The following DENND1B variants were observed in gnomAD, a reference collection of about 807,000 sequenced individuals.
The protein encoded by DENND1B is DENN domain-containing protein 1B.
A neutral mutation model predicts 90.1 loss-of-function variants in DENND1B; 59 were observed. That is an observed-to-expected ratio of 0.65 (90% CI 0.53 to 0.81). The LOEUF (loss-of-function observed/expected upper bound fraction) is 0.81, where lower values mean the gene tolerates loss of function less well. Ranked by LOEUF, DENND1B falls within the 40% of genes least tolerant of loss-of-function variation. DENND1B has a pLI of 0.00. For synonymous variants in DENND1B, 337 were observed against 324.6 expected, an observed-to-expected ratio of 1.04 and a Z score of -0.41; for missense variants, 862 against 912.6, an observed-to-expected ratio of 0.94 and a Z score of 0.71.
intron 2 of DENND1B, among the ~76,000 whole-genome samples, chr1:197,768,705 A>G (rs1043052446): frequency 5.3e-5 from 8 of 152,102 alleles, no homozygotes; most frequent in Non-Finnish European, 1.0e-4. Context: ...TGCCACAACT[A>G]ATCTGTCAGA....
chr1:197,708,211 T>C (rs1435252614), intron 3 of DENND1B, among the ~76,000 whole-genome samples: 2 of 77,684 alleles, frequency 2.6e-5, no homozygotes, highest in African/African-American at 1.1e-4. Flanking sequence ...AAGCTCGAAC[T>C]GGGTGGAGCC....
chr1:197,629,299 T>C (rs1463870828), intron 10 of DENND1B, among the ~76,000 whole-genome samples: 1 of 151,958 alleles, frequency 6.6e-6, no homozygotes, highest in Non-Finnish European at 1.5e-5. Flanking sequence ...AATGATAGAC[T>C]GGATTAAGAA....
chr1:197,545,800 C>T, intron 18 of DENND1B, 122 bp downstream of exon 18: 1 of 825,554 alleles, frequency 1.2e-6, no homozygotes, highest in East Asian at 2.9e-5. Context: ...AATATTAATC[C>T]TAATTTTTTT....
At chr1:197,605,871 C>A (rs1676630588) in intron 13 of DENND1B, 1 of 150,972 alleles carries the variant, frequency 6.6e-6, no homozygotes, top group African/African-American at 2.4e-5. Context: ...ACTTTAAAAT[C>A]ATATTTTTCC....
intron 3 of DENND1B, among the ~76,000 whole-genome samples, chr1:197,695,145 G>C (rs575394588): frequency 6.6e-6 from 1 of 151,018 alleles, no homozygotes; most frequent in African/African-American, 2.4e-5. Context: ...CCTAAACTGC[G>C]CCTGCTAAAG....
rs1329501096 is a variant in DENND1B, at chr1:197,656,636, CA to C, written c.366+1663del. On this transcript the variant is annotated intron_variant, in intron 6 of 22. Transcript: ENST00000620048. The stretch of plus-strand genomic sequence containing the variant: ...GCAACATAGTGAGACTCTATCTGTA[CA>C]AAAAAAAATTAAAAAATTAGCTATT... 2.7e-5 allele frequency among the ~76,000 whole-genome samples: 4 copies of C among 150,368 alleles called. No homozygotes were observed. The East Asian group carries it at 7.8e-4, about 29-fold the overall frequency.
chr1:197,514,759 C>A (rs1303530579), intron 20 of DENND1B, among the ~76,000 whole-genome samples: 1 of 151,256 alleles, frequency 6.6e-6, no homozygotes, highest in Non-Finnish European at 1.5e-5. Flanking sequence ...CCAGTGGTAG[C>A]CCTTTCAAGT....
upstream of DENND1B, among the ~76,000 whole-genome samples, chr1:197,778,009 T>C (rs1364921760): frequency 6.6e-6 from 1 of 152,150 alleles, no homozygotes; most frequent in African/African-American, 2.4e-5. Context: ...AGTTTAAATA[T>C]CCCAACATGA....
At chr1:197,780,327 C>CTTT (rs1265410957), upstream of DENND1B, among the ~76,000 whole-genome samples, 2 of 134,140 alleles carry the variant, frequency 1.5e-5, no homozygotes, top group South Asian at 2.4e-4. Context: ...GGTGGCTTTT[C>CTTT]TTTTTTTTTT....
chr1:197,517,370 C>T (rs1668472066), intron 20 of DENND1B, among the ~76,000 whole-genome samples: 1 of 151,832 alleles, frequency 6.6e-6, no homozygotes, highest in Non-Finnish European at 1.5e-5. Flanking sequence ...AAGGTCTGCA[C>T]CCTAGGGTTC....
At chr1:197,541,266 AT>A (rs1670316485) in intron 18 of DENND1B, among the ~76,000 whole-genome samples, 1 of 152,202 alleles carries the variant, frequency 6.6e-6, no homozygotes, top group South Asian at 2.1e-4. Flanking sequence ...CATTTAGACT[AT>A]TTTGTTTCCT....
intron 7 of DENND1B, 102 bp downstream of exon 7, chr1:197,652,133 G>T: frequency 1.2e-6 from 1 of 866,320 alleles, no homozygotes; most frequent in Non-Finnish European, 1.8e-6. Flanking sequence ...CTTCCTGGAA[G>T]CAGAGATGAC....
intron 3 of DENND1B, among the ~76,000 whole-genome samples, chr1:197,684,324 T>C (rs1017899093): frequency 1.3e-5 from 2 of 152,144 alleles, no homozygotes; most frequent in African/African-American, 4.8e-5. Flanking sequence ...TAGCAAATAA[T>C]AGAGTTAGGA....
At chr1:197,555,255 T>C (rs73073665) in intron 15 of DENND1B, among the ~76,000 whole-genome samples, 1 of 148,382 alleles carries the variant, frequency 6.7e-6, no homozygotes, top group Non-Finnish European at 1.5e-5. Flanking sequence ...AAACCTTTCT[T>C]CCTAGAAGAA....
chr1:197,543,565 AGTT>A (rs1670501039), intron 18 of DENND1B, among the ~76,000 whole-genome samples: 1 of 152,210 alleles, frequency 6.6e-6, no homozygotes, highest in African/African-American at 2.4e-5. Context: ...TTCACATGGT[AGTT>A]GTGTACTATT....
At chr1:197,714,007 T>TTG (rs1558433978) in intron 3 of DENND1B, among the ~76,000 whole-genome samples, 2 of 110,292 alleles carry the variant, frequency 1.8e-5, no homozygotes, top group Non-Finnish European at 1.9e-5. Flanking sequence ...TTTTTTTTTT[T>TTG]GGGACGGAGT....
chr1:197,682,679 C>T (rs1327169463), intron 3 of DENND1B, among the ~76,000 whole-genome samples: 2 of 151,862 alleles, frequency 1.3e-5, no homozygotes, highest in South Asian at 2.1e-4. Context: ...AAATGAAGAG[C>T]GAATAAGAAG....
chr1:197,609,134 G>A (rs982732368), intron 12 of DENND1B, among the ~76,000 whole-genome samples: 1 of 149,716 alleles, frequency 6.7e-6, no homozygotes, highest in South Asian at 2.1e-4. Flanking sequence ...ATAAAGTTAT[G>A]AGATACAAAA....
At chr1:197,697,927 T>C (rs952352366) in intron 3 of DENND1B, among the ~76,000 whole-genome samples, 33 of 152,148 alleles carry the variant, frequency 2.2e-4, no homozygotes, top group Admixed American at 2.0e-3. Flanking sequence ...AACAAGTTCT[T>C]AGAGACCTAC....
Sources: allele counts gnomAD v4.1 joint callset (sites outside exome capture counted in the v4.1 genomes callset), GRCh38; gene constraint gnomAD v4.1.1; transcripts MANE v1.5; gene names NCBI Gene and HGNC (gene_info 2026-07-23, HGNC 2026-07-21).